Variants in CLVS1 observed in about 807,000 individuals in gnomAD.
CLVS1 encodes clavesin 1, also known as clavesin-1.
In CLVS1, 10 loss-of-function variants were observed where a neutral mutation model predicts 33.1. The ratio of observed to expected loss-of-function variants is 0.30; its 90% confidence interval spans 0.19 to 0.51. The LOEUF is 0.51. Among genes scored for constraint, CLVS1 ranks in the 20% least tolerant of loss-of-function variants. The pLI is 0.97. For missense variants in CLVS1, 343 were observed against 433.4 expected (o/e 0.79, Z 1.85); for synonymous variants, 163 against 166.1 (o/e 0.98, Z 0.14).
At chr8:61,309,750 T>C (rs987176220) in intron 2 of CLVS1, among the ~76,000 whole-genome samples, 5 of 152,186 alleles carry the variant, frequency 3.3e-5, no homozygotes, top group African/African-American at 1.2e-4. Context: ...AGGGCTAACA[T>C]TGCAAAAGCC....
Position 61,154,211 on chromosome 8 carries a change from G to GT in CLVS1, c.-152+22360dup, listed in dbSNP as rs201711313. ...ATATGAAACCCAAGATGCTTTTTTT[G>GT]TTTTTTTTTGTTTGTTTGTTTGTTT... On this transcript the variant is annotated intron_variant, in intron 2 of 2. Coordinates refer to the CLVS1 transcript ENST00000522621. Among the ~76,000 whole-genome samples, 519 of 146,032 alleles carry GT rather than the reference G, an allele frequency of 3.6e-3. 2 individuals are homozygous for GT. Among genetic ancestry groups the GT allele is most frequent in the African/African-American group, 6.0e-3 (237 of 39,738 alleles).
chr8:61,466,003 T>C (rs1394444213), intron 5 of CLVS1, among the ~76,000 whole-genome samples: 1 of 152,180 alleles, frequency 6.6e-6, no homozygotes, highest in Non-Finnish European at 1.5e-5. Flanking sequence ...GTCCACTTCT[T>C]TGCTCCCACA....
intron 2 of CLVS1, among the ~76,000 whole-genome samples, chr8:61,153,865 G>A (rs1423170066): frequency 6.6e-6 from 1 of 152,180 alleles, no homozygotes; most frequent in Non-Finnish European, 1.5e-5. Flanking sequence ...CCTGAAACTG[G>A]TGTCCTGGGG....
intron 2 of CLVS1, among the ~76,000 whole-genome samples, chr8:61,319,186 T>C (rs190055171): frequency 6.6e-6 from 1 of 152,296 alleles, no homozygotes; most frequent in Admixed American, 6.5e-5. Context: ...AAGCTCATTG[T>C]GGTGGGAATG....
chr8:61,099,702 G>A (rs1309574373), intron 1 of CLVS1, among the ~76,000 whole-genome samples: 1 of 152,178 alleles, frequency 6.6e-6, no homozygotes, highest in Non-Finnish European at 1.5e-5. Context: ...CTAAACTTTT[G>A]AGGGTTATCT....
chr8:61,440,466 A>G (rs1182048020), intron 3 of CLVS1, among the ~76,000 whole-genome samples: 1 of 152,332 alleles, frequency 6.6e-6, no homozygotes. Context: ...GTGTGGTTCA[A>G]ATTTACCATT....
intron 2 of CLVS1, among the ~76,000 whole-genome samples, chr8:61,334,247 C>G (rs1478326326): frequency 1.3e-5 from 2 of 152,172 alleles, no homozygotes; most frequent in African/African-American, 2.4e-5. Context: ...GGCCTAAGTT[C>G]AGGGGCCAGG....
chr8:61,321,635 G>C (rs1329325767), intron 2 of CLVS1, among the ~76,000 whole-genome samples: 1 of 152,080 alleles, frequency 6.6e-6, no homozygotes, highest in African/African-American at 2.4e-5. Context: ...TTGTTCAGCA[G>C]TAGTGCTATA....
chr8:61,243,795 C>G (rs930375954), intron 2 of CLVS1, among the ~76,000 whole-genome samples: 2 of 152,132 alleles, frequency 1.3e-5, no homozygotes, highest in Non-Finnish European at 1.5e-5. Flanking sequence ...CTATTTATGT[C>G]TACTGTATGG....
chr8:61,028,975 C>A, the CLVS1 span, among the ~76,000 whole-genome samples: 1 of 152,162 alleles, frequency 6.6e-6, no homozygotes, highest in Non-Finnish European at 1.5e-5. Context: ...AAGGGACTTC[C>A]CCAAGAACAC....
chr8:61,350,089 T>C (rs941394302), intron 2 of CLVS1, among the ~76,000 whole-genome samples: 1 of 152,166 alleles, frequency 6.6e-6, no homozygotes, highest in African/African-American at 2.4e-5. Context: ...TTCAGTTAGA[T>C]AAAAGGGATA....
At chr8:61,197,351 T>C (rs899007639) in intron 2 of CLVS1, among the ~76,000 whole-genome samples, 1 of 152,182 alleles carries the variant, frequency 6.6e-6, no homozygotes, top group Admixed American at 6.5e-5. Flanking sequence ...TGGATTTGTT[T>C]CTGGGTTCTC....
At chr8:61,181,712 T>TTG (rs1460715628) in intron 2 of CLVS1, among the ~76,000 whole-genome samples, 5 of 143,932 alleles carry the variant, frequency 3.5e-5, no homozygotes, top group African/African-American at 1.3e-4. Context: ...TTTTTTTTTT[T>TTG]TTTTTGAGAT....
At chr8:61,392,809 C>T (rs1417825768) in intron 3 of CLVS1, among the ~76,000 whole-genome samples, 2 of 151,030 alleles carry the variant, frequency 1.3e-5, no homozygotes, top group Non-Finnish European at 2.9e-5. Flanking sequence ...CACCACTGCA[C>T]TCCAGCCTGG....
chr8:61,280,355 T>G (rs948247982), intron 2 of CLVS1, among the ~76,000 whole-genome samples: 2 of 152,198 alleles, frequency 1.3e-5, no homozygotes, highest in African/African-American at 4.8e-5. Flanking sequence ...TAGAACCTGA[T>G]TACAACAGCA....
chr8:61,223,860 G>C (rs564208741), intron 2 of CLVS1, among the ~76,000 whole-genome samples: 56 of 152,196 alleles, frequency 3.7e-4, no homozygotes, highest in African/African-American at 1.3e-3. Context: ...TGGAGGCTTT[G>C]CTCATTCCTT....
chr8:61,316,818 C>A (rs1291936491), intron 2 of CLVS1, among the ~76,000 whole-genome samples: 1 of 152,174 alleles, frequency 6.6e-6, no homozygotes, highest in African/African-American at 2.4e-5. Flanking sequence ...AGGGCTCCAT[C>A]ACTTTCCCAT....
chr8:61,014,413 G>A, the CLVS1 span, among the ~76,000 whole-genome samples: 12 of 152,036 alleles, frequency 7.9e-5, no homozygotes, highest in Non-Finnish European at 1.5e-4. Flanking sequence ...TTTTATCAAC[G>A]GCAGTAGCAG....
At chr8:60,989,676 A>G in the CLVS1 span, among the ~76,000 whole-genome samples, 8 of 152,224 alleles carry the variant, frequency 5.3e-5, no homozygotes, top group Admixed American at 1.3e-4. Flanking sequence ...AGCGGCTAAG[A>G]AAAAATTTTC....
Sources: allele counts gnomAD v4.1 joint callset (sites outside exome capture counted in the v4.1 genomes callset), GRCh38; gene constraint gnomAD v4.1.1; transcripts MANE v1.5; gene names NCBI Gene and HGNC (gene_info 2026-07-23, HGNC 2026-07-21).